CREBBP: variants seen among roughly 807,000 people sequenced by gnomAD.
CREBBP encodes the protein CREB-binding protein.
Under a neutral mutation model 265.0 loss-of-function variants are expected in CREBBP, and 19 were observed. That is an observed-to-expected ratio of 0.07 (90% CI 0.05 to 0.11). The LOEUF (loss-of-function observed/expected upper bound fraction) is 0.11, where lower values mean the gene tolerates loss of function less well. Among genes scored for constraint, CREBBP ranks in the 10% least tolerant of loss-of-function variants. The pLI is 1.00. For missense variants in CREBBP, 2,525 were observed against 3,219.0 expected, an observed-to-expected ratio of 0.78 and a Z score of 5.22; for synonymous variants, 1,457 against 1,223.7, an observed-to-expected ratio of 1.19 and a Z score of -3.98.
At chr16:3,801,808 T>G (rs1297297016) in intron 3 of CREBBP, among the ~76,000 whole-genome samples, 1 of 152,200 alleles carries the variant, frequency 6.6e-6, no homozygotes, top group Non-Finnish European at 1.5e-5. Flanking sequence ...AATATGTGTT[T>G]CTGGAGCGAG....
intron 2 of CREBBP, among the ~76,000 whole-genome samples, chr16:3,835,681 G>A (rs1046806631): frequency 1.4e-5 from 2 of 147,254 alleles, no homozygotes; most frequent in African/African-American, 2.5e-5. Flanking sequence ...CCAGGTTCAC[G>A]CCATTCTCCT....
At chr16:3,807,235 C>A (rs1345010152) in intron 3 of CREBBP, among the ~76,000 whole-genome samples, 1 of 152,076 alleles carries the variant, frequency 6.6e-6, no homozygotes, top group Non-Finnish European at 1.5e-5. Flanking sequence ...CCTATAGAAA[C>A]TAGGAGGGGA....
intron 2 of CREBBP, among the ~76,000 whole-genome samples, chr16:3,845,463 T>C (rs923683057): frequency 2.0e-5 from 3 of 152,198 alleles, no homozygotes; most frequent in Non-Finnish European, 4.4e-5. Flanking sequence ...AAAAACAGCA[T>C]ATCGTATCAG....
At position 3,877,883 on chromosome 16, in the gene CREBBP, G is replaced by C. The variant is rs570771462; in HGVS notation, c.85+1949C>G. 2.0e-5 allele frequency among the ~76,000 whole-genome samples: 3 copies of C among 152,322 alleles called. No individual in the cohort carries two copies. In the East Asian group the frequency reaches 5.8e-4, roughly 29 times the overall value. The stretch of plus-strand genomic sequence containing the variant: ...AAAGCTGACTTTTGGTCCCACGAAA[G>C]AGCCCCTGTGCCTTACAAGGATCAA... On this transcript the variant is annotated intron_variant, in intron 1 of 30. Transcript: ENST00000262367.
intron 27 of CREBBP, 81 bp from the exon 28 acceptor site, chr16:3,736,284 C>A: frequency 2.8e-6 from 4 of 1,429,882 alleles, no homozygotes; most frequent in Non-Finnish European, 3.9e-6. Context: ...CCCACGCAAG[C>A]GTGCCCCTCA....
intron 2 of CREBBP, among the ~76,000 whole-genome samples, chr16:3,845,349 G>A (rs188280022): frequency 6.6e-6 from 1 of 152,242 alleles, no homozygotes; most frequent in Admixed American, 6.5e-5. Flanking sequence ...TAGGTTAATA[G>A]GTTTCTGGCA....
chr16:3,754,139 C>G (rs559943920), intron 19 of CREBBP, among the ~76,000 whole-genome samples: 12 of 152,170 alleles, frequency 7.9e-5, no homozygotes, highest in Non-Finnish European at 1.6e-4. Flanking sequence ...GCATTATCAA[C>G]AGACTCCTTG....
At chr16:3,810,383 G>T (rs1379513497) in intron 3 of CREBBP, among the ~76,000 whole-genome samples, 1 of 152,118 alleles carries the variant, frequency 6.6e-6, no homozygotes, top group Non-Finnish European at 1.5e-5. Context: ...AAGGAGCCTG[G>T]GAAGAGCGGC....
In CREBBP at chr16:3,783,806, G is replaced by A. The variant is rs557910648; in HGVS notation, c.1331-880C>T. Among the ~76,000 whole-genome samples, 10 of 152,290 alleles carry A rather than the reference G, an allele frequency of 6.6e-5. 1 individual carries two copies. The highest frequency in any genetic ancestry group is 2.4e-4 in the African/African-American group (10 of 41,556). Reference sequence around the variant, plus strand: ...GCTAGCTAACCCCAGGAGACTAAAGGAAAAACTGGTGTCAACATAAGGAGC... The same window carrying A: ...GCTAGCTAACCCCAGGAGACTAAAGAAAAAACTGGTGTCAACATAAGGAGC... On this transcript the variant is annotated intron_variant, in intron 5 of 30. Coordinates refer to ENST00000262367, the MANE Select transcript of CREBBP (RefSeq NM_004380.3).
At chr16:3,802,236 A>G (rs2053731660) in intron 3 of CREBBP, among the ~76,000 whole-genome samples, 1 of 138,530 alleles carries the variant, frequency 7.2e-6, no homozygotes, top group Non-Finnish European at 1.5e-5. Flanking sequence ...GATTCAAGCA[A>G]TTCTCCTGTC....
chr16:3,879,833 T>C lies in CREBBP; in HGVS notation c.84A>G (p.Thr28=), dbSNP rs1597099402. ...SSPGFSANDS[T]DFGSLFDLEN... ...CGCCGCCCCGGACCCCCTCCTCACC[T>C]GTGCTGTCATTCGCCGAGAAACCGG... The change falls in exon 1 of 31, where the codon ACA becomes ACG. Residue 28 remains threonine, a splice_region_variant and synonymous_variant. Coordinates refer to ENST00000262367, the MANE Select transcript of CREBBP (RefSeq NM_004380.3). 6.3e-7 allele frequency: 1 copy of C among 1,583,722 alleles called. No homozygotes were observed. Among genetic ancestry groups the C allele is most frequent in the Non-Finnish European group, 8.6e-7 (1 of 1,159,616 alleles).
chr16:3,731,135 G>C lies in CREBBP; in HGVS notation c.5172+57C>G, dbSNP rs1057395478. 1.3e-6 allele frequency: 2 copies of C among 1,576,214 alleles called. No homozygotes were observed. Among genetic ancestry groups the C allele is most frequent in the African/African-American group, 2.7e-5 (2 of 74,446 alleles). ...ACCCGGGCACCCATGCAAAGGGACA[G>C]GATGCTTCGTCAGACCCCAGGCCGG... On this transcript the variant is annotated intron_variant, in intron 30 of 30. Transcript: ENST00000262367. The surrounding 1 kb of genome is among the most constrained non-coding windows in gnomAD (Gnocchi z 7.7).
At chr16:3,868,113 G>A (rs767094227) in intron 1 of CREBBP, among the ~76,000 whole-genome samples, 1 of 152,102 alleles carries the variant, frequency 6.6e-6, no homozygotes, top group Non-Finnish European at 1.5e-5. Context: ...TCCATCTCTA[G>A]AATACGTAAG....
chr16:3,759,360 G>A (rs1452588563), intron 16 of CREBBP, among the ~76,000 whole-genome samples: 2 of 152,128 alleles, frequency 1.3e-5, no homozygotes, highest in Non-Finnish European at 2.9e-5. Flanking sequence ...AGACTGAGGA[G>A]GGCGGATCAC....
chr16:3,879,136 G>A (rs762929330), intron 1 of CREBBP, among the ~76,000 whole-genome samples: 4 of 152,000 alleles, frequency 2.6e-5, no homozygotes, highest in Non-Finnish European at 5.9e-5. Context: ...AGTTATACAT[G>A]GAAATGAAAC....
Position 3,750,399 on chromosome 16 carries a change from C to G in CREBBP, c.3780-716G>C, listed in dbSNP as rs78275868. Among the ~76,000 whole-genome samples, 488 of 152,300 alleles carry G rather than the reference C, an allele frequency of 3.2e-3. 6 individuals are homozygous for G. The highest frequency in any genetic ancestry group is 0.013 in the South Asian group (63 of 4,826). On this transcript the variant is annotated intron_variant, in intron 20 of 30. Transcript: ENST00000262367. The stretch of plus-strand genomic sequence containing the variant: ...ACACTGCTGGAAGAAGCTCCTGTGG[C>G]AAACCCTTCCTTTCTGTTGGGGAAG...
At chr16:3,847,546 C>T (rs1442627972) in intron 2 of CREBBP, among the ~76,000 whole-genome samples, 1 of 152,166 alleles carries the variant, frequency 6.6e-6, no homozygotes, top group Admixed American at 6.5e-5. Context: ...TTTGAGATAC[C>T]TATAGGAAAC....
chr16:3,744,061 C>T (rs1473583108), intron 23 of CREBBP, among the ~76,000 whole-genome samples: 3 of 151,952 alleles, frequency 2.0e-5, no homozygotes, highest in African/African-American at 7.3e-5. Flanking sequence ...GGCGACAGAG[C>T]GAGAATGTCT....
At chr16:3,762,941 A>T (rs376601716) in intron 16 of CREBBP, among the ~76,000 whole-genome samples, 1 of 151,780 alleles carries the variant, frequency 6.6e-6, no homozygotes, top group Non-Finnish European at 1.5e-5. Context: ...TGGCCGGCTA[A>T]TTTTTTGTAC....
Sources: gnomAD v4.1 joint callset for allele counts (sites outside exome capture counted in the v4.1 genomes callset) on GRCh38, gnomAD v4.1.1 for gene constraint, Gnocchi (gnomAD v3.1) non-coding constraint, MANE v1.5 for transcripts, NCBI Gene and HGNC (gene_info 2026-07-23, HGNC 2026-07-21) for gene names.